Variants in DLG2 observed in about 807,000 individuals in gnomAD.
DLG2 encodes the protein discs large MAGUK scaffold protein 2.
In DLG2, 45 loss-of-function variants were observed where a neutral mutation model predicts 132.5. That is an observed-to-expected ratio of 0.34 (90% CI 0.27 to 0.44). DLG2 has a LOEUF of 0.44. Ranked by LOEUF, DLG2 falls within the 20% of genes least tolerant of loss-of-function variation. The probability of loss-of-function intolerance (pLI) is 1.00; values close to 1 mark genes in which losing one functional copy is unlikely to be tolerated. For synonymous variants in DLG2, 424 were observed against 419.6 expected (o/e 1.01, Z -0.13); for missense variants, 1,045 against 1,196.9 (o/e 0.87, Z 1.87).
intron 6 of DLG2, among the ~76,000 whole-genome samples, chr11:84,622,183 T>A (rs954747118): frequency 6.6e-6 from 1 of 152,202 alleles, no homozygotes; most frequent in African/African-American, 2.4e-5. Flanking sequence ...ATTAAGGGAA[T>A]AGAAAGTGTC....
At chr11:85,480,562 T>C (rs1185201003) in intron 3 of DLG2, among the ~76,000 whole-genome samples, 1 of 152,352 alleles carries the variant, frequency 6.6e-6, no homozygotes, top group South Asian at 2.1e-4. Context: ...ATATTGTTTA[T>C]GGATATACAT....
chr11:85,489,696 A>G (rs955760549), intron 3 of DLG2, among the ~76,000 whole-genome samples: 4 of 152,232 alleles, frequency 2.6e-5, no homozygotes, highest in Non-Finnish European at 5.9e-5. Flanking sequence ...ATTTTTGAAA[A>G]TCAAAATCAT....
chr11:85,618,894 G>T (rs2081518125), intron 2 of DLG2, among the ~76,000 whole-genome samples: 1 of 152,172 alleles, frequency 6.6e-6, no homozygotes, highest in African/African-American at 2.4e-5. Context: ...AAACACTTGA[G>T]CAGATTTCCA....
chr11:85,066,495 C>A (rs1378271823), intron 6 of DLG2, among the ~76,000 whole-genome samples: 15 of 151,434 alleles, frequency 9.9e-5, no homozygotes, highest in Admixed American at 2.6e-4. Flanking sequence ...ACAACAACAA[C>A]AAAAAATTAT....
intron 10 of DLG2, among the ~76,000 whole-genome samples, chr11:84,074,695 AT>A (rs1167710057): frequency 6.6e-6 from 1 of 151,660 alleles, no homozygotes; most frequent in African/African-American, 2.4e-5. Flanking sequence ...CGCCCGGCTA[AT>A]TTTTTGTATT....
chr11:85,537,107 A>T (rs2075641070), intron 3 of DLG2, among the ~76,000 whole-genome samples: 1 of 152,190 alleles, frequency 6.6e-6, no homozygotes, highest in Non-Finnish European at 1.5e-5. Flanking sequence ...CGTCTAGCTA[A>T]GGGATTGTAA....
At chr11:84,037,023 T>G (rs549778625) in intron 11 of DLG2, among the ~76,000 whole-genome samples, 1 of 152,268 alleles carries the variant, frequency 6.6e-6, no homozygotes, top group Admixed American at 6.6e-5. Context: ...GAAATGCTTA[T>G]TATCAGTAAC....
chr11:85,596,507 A>G (rs559935210), intron 3 of DLG2, among the ~76,000 whole-genome samples: 3 of 152,284 alleles, frequency 2.0e-5, no homozygotes, highest in African/African-American at 7.2e-5. Context: ...TTTATTATCC[A>G]TTTGTGTTTT....
At chr11:84,451,473 A>G (rs1027142520) in intron 7 of DLG2, among the ~76,000 whole-genome samples, 2 of 151,830 alleles carry the variant, frequency 1.3e-5, no homozygotes, top group African/African-American at 4.8e-5. Context: ...GGACATCCAC[A>G]TTCATGTAAA....
chr11:85,594,420 T>C (rs181552272), intron 3 of DLG2, among the ~76,000 whole-genome samples: 3 of 152,326 alleles, frequency 2.0e-5, no homozygotes. Context: ...AGAGTTTTTT[T>C]AAAGTATCAT....
intron 12 of DLG2, among the ~76,000 whole-genome samples, chr11:83,975,120 A>G (rs1479585075): frequency 6.6e-6 from 1 of 152,094 alleles, no homozygotes. Flanking sequence ...TTTATATAGA[A>G]AAAGGGGAAG....
At chr11:83,699,131 G>A (rs1240451978) in intron 18 of DLG2, among the ~76,000 whole-genome samples, 3 of 152,106 alleles carry the variant, frequency 2.0e-5, no homozygotes, top group African/African-American at 7.2e-5. Flanking sequence ...GACGTCTAAA[G>A]GGCCCCAATA....
chr11:85,494,668 T>C (rs1361382045), intron 3 of DLG2, among the ~76,000 whole-genome samples: 1 of 152,026 alleles, frequency 6.6e-6, no homozygotes, highest in Non-Finnish European at 1.5e-5. Flanking sequence ...AGTCCAAAGA[T>C]TAATGAATCT....
chr11:84,361,267 A>T (rs532512964), intron 7 of DLG2, among the ~76,000 whole-genome samples: 1 of 152,098 alleles, frequency 6.6e-6, no homozygotes, highest in Admixed American at 6.6e-5. Flanking sequence ...GAATGAACAT[A>T]AAGAAAACCA....
chr11:84,289,279 T>C (rs2097953079), intron 7 of DLG2, among the ~76,000 whole-genome samples: 2 of 152,136 alleles, frequency 1.3e-5, no homozygotes, highest in African/African-American at 4.8e-5. Context: ...GCTTCTGTGA[T>C]AAAGCTACAA....
Position 85,223,260 on chromosome 11 carries a change from T to A in DLG2, c.186+61960A>T, listed in dbSNP as rs555947575. Among the ~76,000 whole-genome samples the A allele has an allele frequency of 4.6e-5, 7 of 152,146 alleles. No individual in the cohort carries two copies. The East Asian group carries it at 1.4e-3, about 29-fold the overall frequency. ...TTGGAAATGCAAGACGCACCTGCAA[T>A]AGATTGGTCCTTTCCTAGAAGAAGA... is the stretch of plus-strand genomic sequence containing the variant. On this transcript the variant is annotated intron_variant, in intron 4 of 27. Transcript: ENST00000376104.
intron 3 of DLG2, among the ~76,000 whole-genome samples, chr11:85,558,655 C>T (rs1288471477): frequency 6.6e-6 from 1 of 151,804 alleles, no homozygotes; most frequent in Admixed American, 6.6e-5. Flanking sequence ...ATGGACAGAG[C>T]TGAAGGCCAT....
At chr11:84,626,189 A>T (rs2099622210) in intron 6 of DLG2, among the ~76,000 whole-genome samples, 1 of 152,234 alleles carries the variant, frequency 6.6e-6, no homozygotes, top group Admixed American at 6.5e-5. Context: ...GAGATCTTAA[A>T]AGAACATATG....
intron 6 of DLG2, among the ~76,000 whole-genome samples, chr11:84,546,153 T>C (rs1450776770): frequency 6.6e-6 from 1 of 152,192 alleles, no homozygotes; most frequent in Non-Finnish European, 1.5e-5. Context: ...TCCCTACTGC[T>C]GGAGGTGGGG....
Sources: allele counts gnomAD v4.1 joint callset (sites outside exome capture counted in the v4.1 genomes callset), GRCh38; gene constraint gnomAD v4.1.1; transcripts MANE v1.5; gene names NCBI Gene and HGNC (gene_info 2026-07-23, HGNC 2026-07-21).